GLP2R: variants seen among roughly 807,000 people sequenced by gnomAD.
GLP2R encodes glucagon like peptide 2 receptor.
GLP2R carries 59 observed loss-of-function variants against 68.2 expected under a neutral mutation model. The observed-to-expected ratio is 0.87, with a 90% confidence interval of 0.70 to 1.07. GLP2R has a LOEUF of 1.07. Among genes scored for constraint, GLP2R ranks in the 50% least tolerant of loss-of-function variants. GLP2R has a pLI of 0.00. For missense variants in GLP2R, 548 were observed against 677.4 expected (o/e 0.81, Z 2.12); for synonymous variants, 270 against 265.4 (o/e 1.02, Z -0.17).
intron 2 of GLP2R, among the ~76,000 whole-genome samples, chr17:9,835,368 A>G (rs917434779): frequency 6.6e-6 from 1 of 152,030 alleles, no homozygotes; most frequent in Non-Finnish European, 1.5e-5. Context: ...TTTGGGACCT[A>G]GTCTGAAATA....
intron 10 of GLP2R, among the ~76,000 whole-genome samples, chr17:9,873,166 T>G (rs73257186): frequency 0.014 from 2,108 of 151,460 alleles, 51 homozygotes; most frequent in African/African-American, 0.048. Context: ...GGGAGGAGAG[T>G]TCTCTCAATA....
At chr17:9,881,916 G>A (rs1472204949) in intron 11 of GLP2R, among the ~76,000 whole-genome samples, 1 of 152,052 alleles carries the variant, frequency 6.6e-6, no homozygotes, top group Middle Eastern at 3.2e-3. Flanking sequence ...ATCTTTAAAT[G>A]TTGGTGTGGG....
chr17:9,849,088 A>G (rs1567723849), intron 4 of GLP2R, among the ~76,000 whole-genome samples: 2 of 151,786 alleles, frequency 1.3e-5, no homozygotes, highest in South Asian at 2.1e-4. Flanking sequence ...TATAATTTTA[A>G]TAATACGTTT....
chr17:9,883,578 C>A (rs2067215905), intron 11 of GLP2R, among the ~76,000 whole-genome samples: 1 of 151,844 alleles, frequency 6.6e-6, no homozygotes, highest in South Asian at 2.1e-4. Context: ...CAGTTGAAAG[C>A]CAAAAATGAA....
At chr17:9,861,869 C>T (rs2066990462) in intron 8 of GLP2R, 152 bp from the exon 9 acceptor site, 2 of 659,462 alleles carry the variant, frequency 3.0e-6, no homozygotes, top group Admixed American at 5.2e-5. Flanking sequence ...GATTTGGGTT[C>T]TCTCTTCTGC....
chr17:9,889,946 A>C lies in GLP2R; in HGVS notation c.*241A>C. 2 of 587,116 alleles carry C rather than the reference A, an allele frequency of 3.4e-6. No homozygotes were observed. The highest frequency in any genetic ancestry group is 3.8e-5 in the East Asian group (1 of 26,422). The allele number at this position is 587,116 out of a possible 1,614,324, so 36.4% of individuals were successfully genotyped here. ...AACCCCCACCAGTGTGTTTTCCACA[A>C]TGCCCACCAGACCCTAGGGCCTGGC... On this transcript the variant is annotated 3_prime_UTR_variant, in exon 13 of 13. Coordinates refer to ENST00000262441, the MANE Select transcript of GLP2R (RefSeq NM_004246.3).
chr17:9,857,341 A>G (rs1381022150), intron 5 of GLP2R, 82 bp from the exon 6 acceptor site: 22 of 1,230,388 alleles, frequency 1.8e-5, no homozygotes, highest in Non-Finnish European at 2.6e-5. Context: ...TTAGTGATAG[A>G]TACACAGGCA....
At position 9,840,015 on chromosome 17, in the gene GLP2R, TCTGTTGCCCAGG is replaced by T. The variant is rs1156972612; in HGVS notation, c.383-2476_383-2465del. 3.9e-4 allele frequency among the ~76,000 whole-genome samples: 58 copies of T among 148,044 alleles called. 1 individual carries two copies. Among genetic ancestry groups the T allele is most frequent in the Admixed American group, 6.8e-4 (10 of 14,706 alleles). ...TTTTTTTTTGGAGACAGAGTCTTGCTCTGTTGCCCAGGCTGGAGTGTGCCGATCTTGGCTCAC... is the reference window on the plus strand; with the variant it reads ...TTTTTTTTTGGAGACAGAGTCTTGCTCTGGAGTGTGCCGATCTTGGCTCAC... On this transcript the variant is annotated intron_variant, in intron 3 of 12. Transcript: ENST00000262441.
At chr17:9,864,926 TC>T (rs1372539220) in intron 9 of GLP2R, among the ~76,000 whole-genome samples, 6 of 152,208 alleles carry the variant, frequency 3.9e-5, no homozygotes, top group Non-Finnish European at 8.8e-5. Context: ...CATTCTAGTT[TC>T]CCTTGGTGCT....
intron 9 of GLP2R, chr17:9,865,988 G>T (rs1197078114): frequency 1.5e-5 from 7 of 459,978 alleles, no homozygotes; most frequent in Non-Finnish European, 1.3e-5. Flanking sequence ...AAGATAATCT[G>T]TCCTGAACAA....
At chr17:9,843,475 C>T (rs755162529) in intron 4 of GLP2R, among the ~76,000 whole-genome samples, 4 of 152,218 alleles carry the variant, frequency 2.6e-5, no homozygotes, top group Non-Finnish European at 4.4e-5. Context: ...ACCTGGTACA[C>T]GGTCAGCATG....
intron 3 of GLP2R, among the ~76,000 whole-genome samples, chr17:9,838,776 C>T (rs536535241): frequency 1.4e-4 from 22 of 152,272 alleles, no homozygotes; most frequent in African/African-American, 3.9e-4. Flanking sequence ...ATGTGGAGAC[C>T]GTGGAAGGGC....
At chr17:9,862,791 C>T (rs956582454) in intron 9 of GLP2R, among the ~76,000 whole-genome samples, 14 of 152,198 alleles carry the variant, frequency 9.2e-5, no homozygotes, top group African/African-American at 1.4e-4. Context: ...CCATAATCTT[C>T]GCGTGCCCAC....
At chr17:9,872,883 A>G (rs2067107931) in intron 10 of GLP2R, among the ~76,000 whole-genome samples, 1 of 152,216 alleles carries the variant, frequency 6.6e-6, no homozygotes, top group Admixed American at 6.5e-5. Context: ...GGAGGTCTAG[A>G]AGGGTAAACA....
At chr17:9,858,037 T>A (rs1043927613) in intron 6 of GLP2R, among the ~76,000 whole-genome samples, 5 of 152,248 alleles carry the variant, frequency 3.3e-5, no homozygotes. Context: ...TCACATAGCG[T>A]TTACATTGCA....
chr17:9,859,636 A>ATATAT (rs1555571773), intron 6 of GLP2R, among the ~76,000 whole-genome samples: 37 of 143,102 alleles, frequency 2.6e-4, no homozygotes, highest in East Asian at 1.4e-3. Context: ...ACTAAAAAAA[A>ATATAT]ATATATATAT....
chr17:9,841,348 C>A (rs1028842910), intron 3 of GLP2R, among the ~76,000 whole-genome samples: 1 of 151,932 alleles, frequency 6.6e-6, no homozygotes. Context: ...ATATTTTATT[C>A]AGCTTGCTCT....
At chr17:9,873,555 A>ATTTTTTTTT (rs1359984269) in intron 10 of GLP2R, among the ~76,000 whole-genome samples, 1 of 30,020 alleles carries the variant, frequency 3.3e-5, no homozygotes, top group Admixed American at 4.4e-4. Context: ...CTATGCATGG[A>ATTTTTTTTT]CTTTTTTTTT....
Position 9,857,495 on chromosome 17 carries a change from A to C in GLP2R, c.684A>C (p.Val228=), listed in dbSNP as rs1334350938. 1 of 1,614,120 alleles carries C rather than the reference A, an allele frequency of 6.2e-7. No individual in the cohort carries two copies. Among genetic ancestry groups the C allele is most frequent in the Admixed American group, 1.7e-5 (1 of 60,022 alleles). ...CTTTCATCCTGAGAACCCTGGCTGTACTGGTGAAGGACGTCGTCTTCTACA... is the reference window on the plus strand; with the variant it reads ...CTTTCATCCTGAGAACCCTGGCTGTCCTGGTGAAGGACGTCGTCTTCTACA... ...FASFILRTLA[V]LVKDVVFYNS... is the part of the protein sequence containing the mutation. The change falls in exon 6 of 13, where the codon GTA becomes GTC. Residue 228 remains valine (V), a synonymous_variant. Coordinates refer to ENST00000262441, the MANE Select transcript of GLP2R (RefSeq NM_004246.3).
Sources: allele counts gnomAD v4.1 joint callset (sites outside exome capture counted in the v4.1 genomes callset), GRCh38; gene constraint gnomAD v4.1.1; transcripts MANE v1.5; gene names NCBI Gene and HGNC (gene_info 2026-07-23, HGNC 2026-07-21).